Variants in SOX5 observed in about 807,000 individuals in gnomAD.
SOX5 encodes SRY-box transcription factor 5, also known as transcription factor SOX-5.
SOX5 carries 9 observed loss-of-function variants against 92.0 expected under a neutral mutation model. The ratio of observed to expected loss-of-function variants is 0.10; its 90% CI spans 0.06 to 0.17. SOX5 has a LOEUF of 0.17. Ranked by LOEUF, SOX5 falls within the 10% of genes least tolerant of loss-of-function variation. SOX5 has a pLI of 1.00. For missense variants in SOX5, 642 were observed against 944.5 expected, an observed-to-expected ratio of 0.68 and a Z score of 4.20; for synonymous variants, 344 against 336.3, an observed-to-expected ratio of 1.02 and a Z score of -0.25.
At chr12:23,875,053 G>C (rs2096913193) in intron 2 of SOX5, among the ~76,000 whole-genome samples, 1 of 152,128 alleles carries the variant, frequency 6.6e-6, no homozygotes, top group African/African-American at 2.4e-5. Flanking sequence ...CTGGCCCAAG[G>C]TTATGACCAC....
chr12:23,674,226 AG>A (rs1460971778), intron 6 of SOX5, among the ~76,000 whole-genome samples: 2 of 152,132 alleles, frequency 1.3e-5, no homozygotes, highest in Non-Finnish European at 2.9e-5. Flanking sequence ...TTCTGAGCAA[AG>A]TATAAATCAA....
intron 4 of SOX5, among the ~76,000 whole-genome samples, chr12:24,155,176 A>G (rs560967005): frequency 6.6e-6 from 1 of 152,218 alleles, no homozygotes; most frequent in South Asian, 2.1e-4. Flanking sequence ...CTATTGATAC[A>G]TATTATTTTC....
chr12:23,559,833 C>G (rs1286274038), intron 11 of SOX5, among the ~76,000 whole-genome samples: 2 of 151,910 alleles, frequency 1.3e-5, no homozygotes, highest in Non-Finnish European at 2.9e-5. Context: ...CTCCCAGTTC[C>G]TTTCCCTCTT....
rs73289764 is a variant in SOX5, at chr12:24,384,174, T to C, written c.-250-15535A>G. 7.7e-3 allele frequency among the ~76,000 whole-genome samples: 1,175 copies of C among 152,252 alleles called. 18 individuals are homozygous for C. Among genetic ancestry groups the C allele is most frequent in the African/African-American group, 0.027 (1,112 of 41,528 alleles). On this transcript the variant is annotated intron_variant, in intron 1 of 4. Coordinates refer to the SOX5 transcript ENST00000446891. ...TACCCAGTCTCAGATATTTTTTTCA[T>C]AGCAGCATGAGAACAGACTAACACA...
chr12:24,148,367 C>T (rs916197914), intron 4 of SOX5, among the ~76,000 whole-genome samples: 1 of 151,304 alleles, frequency 6.6e-6, no homozygotes, highest in African/African-American at 2.4e-5. Context: ...TGGTGATGTG[C>T]ACCTGTAATC....
intron 4 of SOX5, among the ~76,000 whole-genome samples, chr12:23,742,664 C>A (rs572068517): frequency 6.6e-6 from 1 of 152,134 alleles, no homozygotes; most frequent in African/African-American, 2.4e-5. Flanking sequence ...TCTTAGAATG[C>A]GCATAACCTA....
intron 2 of SOX5, among the ~76,000 whole-genome samples, chr12:24,348,691 T>C (rs1276578783): frequency 3.3e-5 from 5 of 152,120 alleles, no homozygotes; most frequent in Admixed American, 1.3e-4. Context: ...GCCTGCTCTG[T>C]TGACTTCTGA....
chr12:23,783,827 A>G (rs772933673), intron 3 of SOX5, among the ~76,000 whole-genome samples: 35 of 152,320 alleles, frequency 2.3e-4, no homozygotes, highest in Non-Finnish European at 4.9e-4. Context: ...TTTCCTCCAC[A>G]TGCAACAAAT....
At chr12:23,881,870 AAG>A (rs1491483008) in intron 2 of SOX5, among the ~76,000 whole-genome samples, 1 of 152,138 alleles carries the variant, frequency 6.6e-6, no homozygotes, top group Admixed American at 6.5e-5. Flanking sequence ...CCATATGAAA[AAG>A]GGGGGGAAAC....
At chr12:24,289,698 G>A (rs969929557) in intron 2 of SOX5, among the ~76,000 whole-genome samples, 5 of 150,256 alleles carry the variant, frequency 3.3e-5, no homozygotes, top group East Asian at 3.9e-4. Flanking sequence ...CTCGTGATCC[G>A]CCCGCCTCGG....
At chr12:24,113,987 T>C (rs989717036) in intron 4 of SOX5, among the ~76,000 whole-genome samples, 4 of 152,332 alleles carry the variant, frequency 2.6e-5, no homozygotes, top group African/African-American at 9.6e-5. Context: ...AGAGTTTTGT[T>C]AATGAAATTG....
chr12:23,738,661 T>C (rs1452113052), intron 5 of SOX5, among the ~76,000 whole-genome samples: 1 of 152,114 alleles, frequency 6.6e-6, no homozygotes, highest in Non-Finnish European at 1.5e-5. Flanking sequence ...AGAAGCTTCC[T>C]CTCCATCAGT....
At chr12:24,124,996 G>T (rs982880157) in intron 4 of SOX5, among the ~76,000 whole-genome samples, 1 of 152,026 alleles carries the variant, frequency 6.6e-6, no homozygotes, top group African/African-American at 2.4e-5. Context: ...AAGTAAGATG[G>T]AGCCATTTTC....
Position 23,534,533 on chromosome 12 carries a change from AGG to A in SOX5, c.1989-13_1989-12del, listed in dbSNP as rs1307851798. ...ATCTGTGCTTGTTGCCTGTCAAGAA[AGG>A]AATTTCCAAAAAGACATCGTGGGTA... On this transcript the variant is annotated splice_polypyrimidine_tract_variant and intron_variant, in intron 14 of 14. Coordinates refer to ENST00000451604, the MANE Select transcript of SOX5 (RefSeq NM_006940.6). 6.2e-7 allele frequency: 1 copy of A among 1,602,916 alleles called. No individual in the cohort carries two copies. The highest frequency in any genetic ancestry group is 8.5e-7 in the Non-Finnish European group (1 of 1,174,410).
intron 4 of SOX5, among the ~76,000 whole-genome samples, chr12:24,098,462 T>C (rs920935612): frequency 6.6e-6 from 1 of 152,132 alleles, no homozygotes; most frequent in African/African-American, 2.4e-5. Context: ...TTTAACTGAG[T>C]TGATTTACCC....
At chr12:23,568,988 A>G (rs928475527) in intron 10 of SOX5, among the ~76,000 whole-genome samples, 3 of 152,146 alleles carry the variant, frequency 2.0e-5, no homozygotes, top group Admixed American at 6.5e-5. Flanking sequence ...TAGGAGTTCA[A>G]AATCAGCCTG....
intron 1 of SOX5, among the ~76,000 whole-genome samples, chr12:24,554,501 T>C (rs1353074646): frequency 6.6e-6 from 1 of 152,160 alleles, no homozygotes; most frequent in Non-Finnish European, 1.5e-5. Flanking sequence ...ACAGATTCCC[T>C]AGAGGAGTCC....
At chr12:23,543,631 AC>A (rs1207084297) in intron 12 of SOX5, among the ~76,000 whole-genome samples, 2 of 152,120 alleles carry the variant, frequency 1.3e-5, no homozygotes, top group Non-Finnish European at 2.9e-5. Context: ...GGACTGTTTC[AC>A]CATTTACTTT....
chr12:24,084,667 C>T (rs1943750285), intron 4 of SOX5, among the ~76,000 whole-genome samples: 1 of 152,024 alleles, frequency 6.6e-6, no homozygotes, highest in South Asian at 2.1e-4. Context: ...CTCTTGTTAT[C>T]AGCTGTCAGC....
Sources: gnomAD v4.1 joint callset for allele counts (sites outside exome capture counted in the v4.1 genomes callset) on GRCh38, gnomAD v4.1.1 for gene constraint, MANE v1.5 for transcripts, NCBI Gene and HGNC (gene_info 2026-07-23, HGNC 2026-07-21) for gene names.